Variants in TRHDE observed in about 807,000 individuals in gnomAD.
TRHDE encodes thyrotropin releasing hormone degrading enzyme.
Under a neutral mutation model 125.7 loss-of-function variants are expected in TRHDE, and 72 were observed. The observed-to-expected ratio is 0.57, with a 90% CI of 0.47 to 0.70. The LOEUF (loss-of-function observed/expected upper bound fraction) is 0.70, where lower values mean the gene tolerates loss of function less well. TRHDE is among the 30% of genes least tolerant of loss of function. TRHDE has a pLI of 0.00. For missense variants in TRHDE, 1,110 were observed against 1,327.1 expected (o/e 0.84, Z 2.54); for synonymous variants, 509 against 509.1 (o/e 1.00, Z 0.00).
intron 3 of TRHDE, among the ~76,000 whole-genome samples, chr12:72,417,203 A>G (rs1477981226): frequency 6.6e-6 from 1 of 151,860 alleles, no homozygotes; most frequent in Non-Finnish European, 1.5e-5. Context: ...ATTGCTTTTC[A>G]TATGTTGATT....
intron 2 of TRHDE, among the ~76,000 whole-genome samples, chr12:72,368,574 A>T (rs763211688): frequency 2.0e-5 from 3 of 152,114 alleles, no homozygotes; most frequent in Non-Finnish European, 4.4e-5. Flanking sequence ...AAATTATAGG[A>T]CCATGTTATT....
At chr12:72,112,576 C>T (rs1215739958) in intron 2 of TRHDE, among the ~76,000 whole-genome samples, 1 of 152,118 alleles carries the variant, frequency 6.6e-6, no homozygotes, top group East Asian at 1.9e-4. Context: ...TAATAGCCCT[C>T]ATATTTATAT....
At chr12:72,231,500 C>T (rs1355736792) in intron 2 of TRHDE, among the ~76,000 whole-genome samples, 1 of 152,102 alleles carries the variant, frequency 6.6e-6, no homozygotes, top group African/African-American at 2.4e-5. Flanking sequence ...TTGGAGTGGC[C>T]CATGAGGCCA....
intron 2 of TRHDE, among the ~76,000 whole-genome samples, chr12:72,372,119 G>A (rs1277979610): frequency 5.3e-5 from 8 of 152,100 alleles, no homozygotes; most frequent in Non-Finnish European, 1.2e-4. Context: ...TTGTGGTTTT[G>A]ATTTGCATTT....
intron 2 of TRHDE, among the ~76,000 whole-genome samples, chr12:72,249,410 G>C (rs1878636370): frequency 6.6e-6 from 1 of 152,110 alleles, no homozygotes; most frequent in Non-Finnish European, 1.5e-5. Context: ...ATATGAGCTG[G>C]GCATGGTGGT....
chr12:72,501,853 T>G (rs1221709504), intron 6 of TRHDE, among the ~76,000 whole-genome samples: 6 of 152,138 alleles, frequency 3.9e-5, no homozygotes, highest in Non-Finnish European at 5.9e-5. Flanking sequence ...GATTTAATTT[T>G]GTTAATATAT....
intron 2 of TRHDE, among the ~76,000 whole-genome samples, chr12:72,226,530 A>G (rs913867193): frequency 1.3e-5 from 2 of 152,226 alleles, no homozygotes; most frequent in Non-Finnish European, 2.9e-5. Context: ...TTAATAAAAT[A>G]TAAATTACTT....
At chr12:72,320,875 G>A (rs1305927675) in intron 2 of TRHDE, among the ~76,000 whole-genome samples, 1 of 151,946 alleles carries the variant, frequency 6.6e-6, no homozygotes, top group Admixed American at 6.6e-5. Flanking sequence ...GTAGAGTGAG[G>A]GTGAAAATAC....
chr12:72,225,580 GT>G (rs953270589), intron 2 of TRHDE, among the ~76,000 whole-genome samples: 94 of 152,244 alleles, frequency 6.2e-4, no homozygotes, highest in African/African-American at 2.1e-3. Context: ...AAAAATAATT[GT>G]TTTGGTTTCC....
Position 72,265,945 on chromosome 12 carries a change from T to A in TRHDE, n.280-112050T>A, listed in dbSNP as rs139411713. 8.6e-5 allele frequency among the ~76,000 whole-genome samples: 13 copies of A among 152,026 alleles called. 1 individual carries two copies. The East Asian group carries it at 1.7e-3, about 20-fold the overall frequency. On this transcript the variant is annotated intron_variant and non_coding_transcript_variant, in intron 2 of 4. Transcript: ENST00000548156. ...GATATTTCATTATCTAAAAGAAAAA[T>A]TTCACCATATTTCTTCCAATGTCTC...
chr12:72,643,411 G>C (rs1220163193), intron 15 of TRHDE, among the ~76,000 whole-genome samples: 3 of 152,138 alleles, frequency 2.0e-5, no homozygotes, highest in African/African-American at 7.2e-5. Context: ...ACTGAAACTT[G>C]ACCAGCAGTT....
At chr12:72,260,069 C>T (rs1211096233) in intron 2 of TRHDE, among the ~76,000 whole-genome samples, 1 of 152,140 alleles carries the variant, frequency 6.6e-6, no homozygotes, top group Non-Finnish European at 1.5e-5. Context: ...TCTATATATG[C>T]ACGTTGCTGT....
chr12:72,391,810 T>A lies in TRHDE; in HGVS notation c.1315+13689T>A, dbSNP rs192305773. Among the ~76,000 whole-genome samples, 600 of 152,296 alleles carry A rather than the reference T, an allele frequency of 3.9e-3. 3 individuals are homozygous for A. Among genetic ancestry groups the A allele is most frequent in the African/African-American group, 0.014 (582 of 41,572 alleles). On this transcript the variant is annotated intron_variant, in intron 3 of 18. Coordinates refer to ENST00000261180, the MANE Select transcript of TRHDE (RefSeq NM_013381.3). ...TCTAGTGGACAAAACCAACATTCCATGTCTGTAGCAGAAATTTGGGCATAA... is the reference window on the plus strand; with the variant it reads ...TCTAGTGGACAAAACCAACATTCCAAGTCTGTAGCAGAAATTTGGGCATAA...
intron 2 of TRHDE, among the ~76,000 whole-genome samples, chr12:72,244,641 TTTTAAAA>T (rs1159780558): frequency 2.0e-5 from 3 of 152,068 alleles, no homozygotes; most frequent in Admixed American, 2.0e-4. Context: ...CCCATAAAAT[TTTTAAAA>T]ATTAAAAATT....
At chr12:72,554,584 C>T (rs946780777) in intron 7 of TRHDE, among the ~76,000 whole-genome samples, 2 of 152,152 alleles carry the variant, frequency 1.3e-5, no homozygotes, top group Non-Finnish European at 1.5e-5. Flanking sequence ...TGCCTGCAAT[C>T]AGTGGGCAAC....
At chr12:72,402,794 C>CT (rs1873099792) in intron 3 of TRHDE, among the ~76,000 whole-genome samples, 1 of 151,868 alleles carries the variant, frequency 6.6e-6, no homozygotes, top group South Asian at 2.1e-4. Flanking sequence ...TAGGGCACAA[C>CT]TTTTTTGTCC....
intron 2 of TRHDE, among the ~76,000 whole-genome samples, chr12:72,252,428 G>A (rs1045105625): frequency 4.0e-5 from 6 of 151,674 alleles, no homozygotes; most frequent in Admixed American, 2.6e-4. Flanking sequence ...GTCACAAATC[G>A]ATTGGAAAAC....
chr12:72,092,386 C>T (rs78736029), intron 1 of TRHDE, among the ~76,000 whole-genome samples: 2,984 of 152,174 alleles, frequency 0.02, 47 homozygotes, highest in Non-Finnish European at 0.029. Flanking sequence ...ATTTATTGGC[C>T]CATGTAACTG....
At chr12:72,336,243 G>A (rs530549036) in intron 2 of TRHDE, among the ~76,000 whole-genome samples, 1 of 152,154 alleles carries the variant, frequency 6.6e-6, no homozygotes, top group East Asian at 1.9e-4. Context: ...AACCTGTGCT[G>A]CACACTGTTT....
Sources: allele counts gnomAD v4.1 joint callset (sites outside exome capture counted in the v4.1 genomes callset), GRCh38; gene constraint gnomAD v4.1.1; transcripts MANE v1.5; gene names NCBI Gene and HGNC (gene_info 2026-07-23, HGNC 2026-07-21).